TSPAN12: variants seen among roughly 807,000 people sequenced by gnomAD.
TSPAN12 encodes tetraspanin-12.
In TSPAN12, 19 loss-of-function variants were observed where a neutral mutation model predicts 39.2. That is an observed-to-expected ratio of 0.49 (90% CI 0.34 to 0.71). The LOEUF (loss-of-function observed/expected upper bound fraction) is 0.71, where lower values mean the gene tolerates loss of function less well. Ranked by LOEUF, TSPAN12 falls within the 30% of genes least tolerant of loss-of-function variation. The pLI, the probability that TSPAN12 is intolerant of heterozygous loss-of-function variation, is 0.01. For synonymous variants in TSPAN12, 119 were observed against 124.8 expected (o/e 0.95, Z 0.31); for missense variants, 314 against 359.9 (o/e 0.87, Z 1.03).
chr7:120,841,160 T>C (rs1301693038), intron 2 of TSPAN12, among the ~76,000 whole-genome samples: 2 of 152,208 alleles, frequency 1.3e-5, no homozygotes, highest in East Asian at 3.9e-4. Flanking sequence ...ACTCCTAGTG[T>C]CACAAAAAGA....
At chr7:120,804,764 G>A (rs117143359) in intron 7 of TSPAN12, among the ~76,000 whole-genome samples, 11 of 152,220 alleles carry the variant, frequency 7.2e-5, no homozygotes, top group East Asian at 1.9e-4. Context: ...GATGAGGTCC[G>A]ACTGGAGGAC....
At position 120,787,813 on chromosome 7, in the gene TSPAN12, G is replaced by A. The variant is rs1793437485; in HGVS notation, c.*779C>T. 1 of 152,320 alleles carries A rather than the reference G, an allele frequency of 6.6e-6. No individual in the cohort carries two copies. The highest frequency in any genetic ancestry group is 1.5e-5 in the Non-Finnish European group (1 of 68,006). The allele number at this position is 152,320 out of a possible 1,614,324, so 9.4% of individuals were successfully genotyped here. On this transcript the variant is annotated 3_prime_UTR_variant, in exon 8 of 8. Coordinates refer to ENST00000222747, the MANE Select transcript of TSPAN12 (RefSeq NM_012338.4). ...ACACTGGTAATTTTCAAAATTAGTG[G>A]TTAAGTATTTAAATAACAGTTATAT...
At chr7:120,837,591 C>T (rs1794503194) in intron 4 of TSPAN12, among the ~76,000 whole-genome samples, 1 of 152,270 alleles carries the variant, frequency 6.6e-6, no homozygotes, top group South Asian at 2.1e-4. Context: ...GGATTACAGG[C>T]GTGAGCCACC....
intron 5 of TSPAN12, among the ~76,000 whole-genome samples, chr7:120,812,383 G>A (rs1793999049): frequency 6.6e-6 from 1 of 152,158 alleles, no homozygotes; most frequent in African/African-American, 2.4e-5. Flanking sequence ...AAGTAATATA[G>A]ACTGGGCTTA....
intron 4 of TSPAN12, among the ~76,000 whole-genome samples, chr7:120,829,945 T>A (rs1415297718): frequency 6.6e-6 from 1 of 152,092 alleles, no homozygotes; most frequent in Non-Finnish European, 1.5e-5. Flanking sequence ...CAAAATCCTC[T>A]CATAAAGACC....
chr7:120,850,617 C>T (rs764584875), intron 2 of TSPAN12, among the ~76,000 whole-genome samples: 29 of 152,104 alleles, frequency 1.9e-4, no homozygotes, highest in Non-Finnish European at 3.1e-4. Flanking sequence ...AAGCATGCAG[C>T]GGCTCAAGTC....
chr7:120,841,811 A>C (rs1041729329), intron 2 of TSPAN12, among the ~76,000 whole-genome samples: 1 of 152,178 alleles, frequency 6.6e-6, no homozygotes, highest in Non-Finnish European at 1.5e-5. Flanking sequence ...GCATGTTGAT[A>C]ATTGTTGAAA....
chr7:120,791,561 G>T (rs116103307), intron 7 of TSPAN12, among the ~76,000 whole-genome samples: 5,811 of 152,200 alleles, frequency 0.038, 177 homozygotes, highest in African/African-American at 0.079. Context: ...GGCTTAAATT[G>T]TATCTATATT....
intron 7 of TSPAN12, among the ~76,000 whole-genome samples, chr7:120,790,273 T>C (rs906774892): frequency 3.9e-5 from 6 of 152,172 alleles, no homozygotes; most frequent in African/African-American, 1.4e-4. Context: ...AGTATAATGG[T>C]TAAGATCATG....
At chr7:120,808,134 T>C (rs1011709580) in intron 6 of TSPAN12, among the ~76,000 whole-genome samples, 1 of 152,128 alleles carries the variant, frequency 6.6e-6, no homozygotes, top group South Asian at 2.1e-4. Flanking sequence ...TCTGTGTTGA[T>C]GACAGAACAG....
chr7:120,828,716 T>G (rs1562947990), intron 4 of TSPAN12, among the ~76,000 whole-genome samples: 1 of 149,302 alleles, frequency 6.7e-6, no homozygotes, highest in Non-Finnish European at 1.5e-5. Flanking sequence ...ACTTTCGGAA[T>G]GAAAGTACTT....
At chr7:120,806,462 G>C in intron 7 of TSPAN12, 87 bp downstream of exon 7, 1 of 1,505,628 alleles carries the variant, frequency 6.6e-7, no homozygotes, top group South Asian at 1.2e-5. Context: ...GACAGAGAAG[G>C]AAAATTTCAT....
chr7:120,803,041 G>T (rs756286621), intron 7 of TSPAN12, among the ~76,000 whole-genome samples: 4 of 152,060 alleles, frequency 2.6e-5, no homozygotes, highest in Non-Finnish European at 5.9e-5. Context: ...GAGACCTTGC[G>T]GTTCATCTAG....
At chr7:120,826,827 A>T (rs1016107490) in intron 4 of TSPAN12, among the ~76,000 whole-genome samples, 4 of 152,080 alleles carry the variant, frequency 2.6e-5, no homozygotes. Flanking sequence ...GGTTCAAGTG[A>T]TTCTCCTGCC....
chr7:120,793,193 T>C (rs745905554), intron 7 of TSPAN12, among the ~76,000 whole-genome samples: 1 of 152,248 alleles, frequency 6.6e-6, no homozygotes, highest in Non-Finnish European at 1.5e-5. Context: ...GCTGATCCTT[T>C]TCTAGACTGT....
At chr7:120,833,318 G>A (rs541928938) in intron 4 of TSPAN12, among the ~76,000 whole-genome samples, 1 of 151,982 alleles carries the variant, frequency 6.6e-6, no homozygotes, top group East Asian at 1.9e-4. Context: ...GACTATGTAA[G>A]AGAAGGCCTT....
At chr7:120,843,445 A>G (rs114458625) in intron 2 of TSPAN12, among the ~76,000 whole-genome samples, 1,641 of 152,244 alleles carry the variant, frequency 0.011, 13 homozygotes, top group African/African-American at 0.028. Context: ...CCAAACTCCT[A>G]AGTACCTCCC....
rs1290016832 is a variant in TSPAN12, at chr7:120,788,554, T to C, written c.*38A>G. 11 of 1,613,054 alleles carry C rather than the reference T, an allele frequency of 6.8e-6. No homozygotes were observed. The highest frequency in any genetic ancestry group is 7.6e-6 in the Non-Finnish European group (9 of 1,179,110). The stretch of plus-strand genomic sequence containing the variant: ...TGTACTCAAAAATTCACAAGTCCAG[T>C]AAAACAAGTTTGTGGTTTTCTTCTG... On this transcript the variant is annotated 3_prime_UTR_variant, in exon 8 of 8. Transcript: ENST00000222747.
intron 7 of TSPAN12, among the ~76,000 whole-genome samples, chr7:120,792,792 A>G (rs1793556904): frequency 6.6e-6 from 1 of 152,224 alleles, no homozygotes; most frequent in Non-Finnish European, 1.5e-5. Flanking sequence ...GAAAAGTCTG[A>G]TTTTCAGAGC....
Sources: gnomAD v4.1 joint callset for allele counts (sites outside exome capture counted in the v4.1 genomes callset) on GRCh38, gnomAD v4.1.1 for gene constraint, MANE v1.5 for transcripts, NCBI Gene and HGNC (gene_info 2026-07-23, HGNC 2026-07-21) for gene names.